Variants in TENM1 observed in about 807,000 individuals in gnomAD.
TENM1 encodes the protein teneurin-1.
Under a neutral mutation model 174.8 loss-of-function variants are expected in TENM1, and 35 were observed. That is an observed-to-expected ratio of 0.20 (90% CI 0.15 to 0.27). The LOEUF is 0.27. TENM1 is among the 10% of genes least tolerant of loss of function. TENM1 has a pLI of 1.00. For missense variants in TENM1, 1,633 were observed against 2,130.1 expected, an observed-to-expected ratio of 0.77 and a Z score of 4.59; for synonymous variants, 781 against 798.7, an observed-to-expected ratio of 0.98 and a Z score of 0.37.
chrX:124,497,375 C>T (rs1360334922), intron 19 of TENM1, 110 bp from the exon 23 acceptor site: 2 of 844,274 alleles, frequency 2.4e-6, no homozygotes, highest in African/African-American at 2.1e-5. Flanking sequence ...GGAGCTTTGG[C>T]CTGGCATAAG....
chrX:125,063,471 AC>A, the TENM1 span, among the ~76,000 whole-genome samples: 2 of 111,927 alleles, frequency 1.8e-5, no homozygotes, highest in African/African-American at 6.5e-5. Flanking sequence ...CAAGAAAAAA[AC>A]AAACAACCCC....
At chrX:124,454,561 G>A (rs1295816402) in intron 22 of TENM1, among the ~76,000 whole-genome samples, 2 of 110,756 alleles carry the variant, frequency 1.8e-5, no homozygotes, top group East Asian at 5.7e-4. Flanking sequence ...CTGCCAGCAC[G>A]CCTGGCTAGT....
chrX:124,928,296 A>T (rs2058119342), intron 1 of TENM1, among the ~76,000 whole-genome samples: 1 of 111,994 alleles, frequency 8.9e-6, no homozygotes, highest in Admixed American at 9.5e-5. Context: ...TCTTACTTAC[A>T]CATATTTCTT....
intron 1 of TENM1, among the ~76,000 whole-genome samples, chrX:124,962,510 C>A: frequency 8.9e-6 from 1 of 112,146 alleles, no homozygotes; most frequent in Admixed American, 9.5e-5. Context: ...TCAGCATTAA[C>A]TTATTCATAA....
the TENM1 span, among the ~76,000 whole-genome samples, chrX:125,099,674 G>A: frequency 2.7e-5 from 3 of 110,911 alleles, no homozygotes; most frequent in African/African-American, 9.8e-5. Flanking sequence ...CTAGAAAGCA[G>A]AGGTGACAAT....
At chrX:124,967,023 A>T (rs1478604583), upstream of TENM1, among the ~76,000 whole-genome samples, 1 of 111,651 alleles carries the variant, frequency 9.0e-6, no homozygotes, top group African/African-American at 3.3e-5. Flanking sequence ...TAAGTAAACA[A>T]CTCTACTACA....
the TENM1 span, among the ~76,000 whole-genome samples, chrX:125,094,897 T>C: frequency 8.9e-6 from 1 of 112,355 alleles, no homozygotes; most frequent in African/African-American, 3.2e-5. Context: ...AGGGTTTTTC[T>C]TATAGATAAA....
chrX:124,854,945 T>A (rs2056787698), intron 3 of TENM1, among the ~76,000 whole-genome samples: 1 of 111,794 alleles, frequency 8.9e-6, no homozygotes, highest in African/African-American at 3.2e-5. Flanking sequence ...GATTAAAAAT[T>A]ATCTTTTTCG....
At chrX:124,437,623 GACA>G (rs1206989965) in intron 23 of TENM1, among the ~76,000 whole-genome samples, 1 of 111,689 alleles carries the variant, frequency 9.0e-6, no homozygotes, top group Non-Finnish European at 1.9e-5. Flanking sequence ...GTTGCCCCGT[GACA>G]ACATTTCCTA....
chrX:124,580,792 T>C (rs1208824542), intron 11 of TENM1, among the ~76,000 whole-genome samples: 1 of 110,803 alleles, frequency 9.0e-6, no homozygotes, highest in Non-Finnish European at 1.9e-5. Context: ...CATTGCATAA[T>C]GCCGAGGTTT....
At chrX:124,889,752 T>A (rs970546942) in intron 3 of TENM1, among the ~76,000 whole-genome samples, 1 of 111,975 alleles carries the variant, frequency 8.9e-6, no homozygotes, top group Non-Finnish European at 1.9e-5. Flanking sequence ...CAAGCATTTA[T>A]CCTTTGTATT....
chrX:124,579,479 C>T (rs1400789553), intron 11 of TENM1, among the ~76,000 whole-genome samples: 1 of 111,705 alleles, frequency 9.0e-6, no homozygotes, highest in Non-Finnish European at 1.9e-5. Context: ...CCACTTGAAG[C>T]TTGAATGACA....
the TENM1 span, among the ~76,000 whole-genome samples, chrX:125,189,712 G>A: frequency 4.5e-5 from 5 of 111,997 alleles, no homozygotes; most frequent in Non-Finnish European, 7.5e-5. Context: ...AATTGGAGGT[G>A]AGCAGAAGAA....
At chrX:125,152,977 G>T in the TENM1 span, among the ~76,000 whole-genome samples, 1 of 109,937 alleles carries the variant, frequency 9.1e-6, no homozygotes, top group Admixed American at 9.9e-5. Flanking sequence ...TTCAGTTACC[G>T]CTTGTTTCAA....
intron 11 of TENM1, among the ~76,000 whole-genome samples, chrX:124,585,519 T>C (rs959635798): frequency 9.0e-6 from 1 of 111,580 alleles, no homozygotes; most frequent in African/African-American, 3.3e-5. Context: ...CCAGAATCTC[T>C]GGGACACATT....
intron 20 of TENM1, among the ~76,000 whole-genome samples, chrX:124,491,452 AT>A (rs1220073103): frequency 1.8e-5 from 2 of 111,242 alleles, no homozygotes; most frequent in African/African-American, 6.5e-5. Flanking sequence ...CTATCTTAAA[AT>A]TTTTTTCAAG....
chrX:125,106,779 T>A, the TENM1 span, among the ~76,000 whole-genome samples: 2 of 104,210 alleles, frequency 1.9e-5, no homozygotes, highest in African/African-American at 6.5e-5. Flanking sequence ...TTTGCAATAT[T>A]AACAAAGAAA....
the TENM1 span, among the ~76,000 whole-genome samples, chrX:125,135,275 G>A: frequency 7.2e-4 from 81 of 112,063 alleles, no homozygotes; most frequent in Middle Eastern, 4.6e-3. Flanking sequence ...TGTGTGATCT[G>A]TTGTGATTTT....
chrX:124,579,947 G>A (rs2049261434), intron 11 of TENM1, among the ~76,000 whole-genome samples: 1 of 111,727 alleles, frequency 9.0e-6, no homozygotes, highest in African/African-American at 3.3e-5. Flanking sequence ...TTTTGGTTGT[G>A]TTTAATTCAA....
Sources: gnomAD v4.1 joint callset for allele counts (sites outside exome capture counted in the v4.1 genomes callset) on GRCh38, gnomAD v4.1.1 for gene constraint, MANE v1.5 for transcripts, NCBI Gene and HGNC (gene_info 2026-07-23, HGNC 2026-07-21) for gene names.